The following GALNT18 variants were observed in gnomAD, a reference collection of about 807,000 sequenced individuals.
The protein encoded by GALNT18 is polypeptide N-acetylgalactosaminyltransferase 18.
In GALNT18, 44 loss-of-function variants were observed where a neutral mutation model predicts 69.5. That is an observed-to-expected ratio of 0.63 (90% CI 0.50 to 0.81). The LOEUF (loss-of-function observed/expected upper bound fraction) is 0.81. Among genes scored for constraint, GALNT18 ranks in the 40% least tolerant of loss-of-function variants. The probability of loss-of-function intolerance (pLI) is 0.00; values close to 1 mark genes in which losing one functional copy is unlikely to be tolerated. For synonymous variants in GALNT18, 364 were observed against 318.2 expected (o/e 1.14, Z -1.53); for missense variants, 715 against 810.0 (o/e 0.88, Z 1.42).
At chr11:11,272,976 G>A (rs957691802) in intron 10 of GALNT18, among the ~76,000 whole-genome samples, 1 of 151,352 alleles carries the variant, frequency 6.6e-6, no homozygotes, top group Non-Finnish European at 1.5e-5. Flanking sequence ...TAAATTGCCT[G>A]AGAAAATGCA....
In GALNT18 at chr11:11,583,483, T is replaced by C. The variant is rs58810205; in HGVS notation, c.235+37876A>G. Among the ~76,000 whole-genome samples, 10,107 of 152,270 alleles carry C rather than the reference T, an allele frequency of 0.066. 693 individuals carry two copies. The highest frequency in any genetic ancestry group is 0.35 in the East Asian group (1,831 of 5,176). On this transcript the variant is annotated intron_variant, in intron 1 of 10. Coordinates refer to ENST00000227756, the MANE Select transcript of GALNT18 (RefSeq NM_198516.3). The surrounding 1 kb of genome is among the most constrained non-coding windows in gnomAD (Gnocchi z 4.7). ...AAAATCCACGGGGTAAAAAGGTTTC[T>C]AGCTCTGTTTCTGGCTGGAAAGTGC...
At chr11:11,588,007 T>A (rs2133921835) in intron 1 of GALNT18, among the ~76,000 whole-genome samples, 1 of 152,268 alleles carries the variant, frequency 6.6e-6, no homozygotes, top group Non-Finnish European at 1.5e-5. Context: ...CAAGTCCTTC[T>A]GCTTGAGGCT....
At chr11:11,305,634 C>T (rs1849564956) in intron 9 of GALNT18, among the ~76,000 whole-genome samples, 1 of 152,072 alleles carries the variant, frequency 6.6e-6, no homozygotes, top group African/African-American at 2.4e-5. Flanking sequence ...CCTCAATTTA[C>T]TCATCAGTGG....
rs1399407578 is a variant in GALNT18, at chr11:11,338,524, A to G, written c.1278+2295T>C. Among the ~76,000 whole-genome samples the G allele has an allele frequency of 6.6e-6, 1 of 152,100 alleles. No homozygotes were observed. Among genetic ancestry groups the G allele is most frequent in the East Asian group, 1.9e-4 (1 of 5,186 alleles). ...GAAGGATGATGTCATTTTCAAACTC[A>G]TATGTCTGGAAGATGGTGGCACCAT... On this transcript the variant is annotated intron_variant, in intron 7 of 10. Coordinates refer to ENST00000227756, the MANE Select transcript of GALNT18 (RefSeq NM_198516.3). The surrounding 1 kb of genome is among the most constrained non-coding windows in gnomAD (Gnocchi z 5.3).
rs1333019008 is a variant in GALNT18 at position 11,605,350 on chromosome 11, G to A, written c.235+16009C>T. 6.6e-6 allele frequency among the ~76,000 whole-genome samples: 1 copy of A among 152,114 alleles called. No homozygotes were observed. On this transcript the variant is annotated intron_variant, in intron 1 of 10. Coordinates refer to ENST00000227756, the MANE Select transcript of GALNT18 (RefSeq NM_198516.3). This position sits in a 1 kb window ranked among gnomAD's most constrained non-coding sequence, Gnocchi z 4.7. ...AGAAACACCCTCTTCTGATCTCCGGGTTGCCCTCTCTCAGCTCCCTCTCCT... is the reference window on the plus strand; with the variant it reads ...AGAAACACCCTCTTCTGATCTCCGGATTGCCCTCTCTCAGCTCCCTCTCCT...
chr11:11,577,805 T>C (rs904756312), intron 1 of GALNT18, among the ~76,000 whole-genome samples: 3 of 152,168 alleles, frequency 2.0e-5, no homozygotes, highest in African/African-American at 7.2e-5. Flanking sequence ...TGGGAAGTGA[T>C]TAAATAGAAT....
rs1485159252 is a variant in GALNT18, at chr11:11,529,517, A to G, written c.236-80581T>C. 2.0e-5 allele frequency among the ~76,000 whole-genome samples: 3 copies of G among 152,112 alleles called. No homozygotes were observed. In the East Asian group the frequency reaches 5.8e-4, roughly 29 times the overall value. ...GCTCTCCTTATTCTCGGGTCTTCAG[A>G]CTCAGAACTACACCATGGCCTCCCA... On this transcript the variant is annotated intron_variant, in intron 1 of 10. Transcript: ENST00000227756.
At position 11,602,664 on chromosome 11, in the gene GALNT18, T is replaced by C. The variant is rs570981915; in HGVS notation, c.235+18695A>G. 6.6e-6 allele frequency among the ~76,000 whole-genome samples: 1 copy of C among 152,346 alleles called. No individual in the cohort carries two copies. Among genetic ancestry groups the C allele is most frequent in the African/African-American group, 2.4e-5 (1 of 41,580 alleles). On this transcript the variant is annotated intron_variant, in intron 1 of 10. Transcript: ENST00000227756. This position sits in a 1 kb window ranked among gnomAD's most constrained non-coding sequence, Gnocchi z 4.7. The stretch of plus-strand genomic sequence containing the variant: ...GGGACTTTAGATGGGTGTTGTTTAA[T>C]AATTTTTACCAGTTATGTTGTTTCA...
rs185100946 is a variant in GALNT18, at chr11:11,284,820, C to G, written c.1677+8209G>C. On this transcript the variant is annotated intron_variant, in intron 10 of 10. Coordinates refer to ENST00000227756, the MANE Select transcript of GALNT18 (RefSeq NM_198516.3). ...GGACATTACAGCTAGTTAAAGAAAC[C>G]CTGAGATTAAGTCTTTTTTTGGTAG... Among the ~76,000 whole-genome samples, 29 of 79,646 alleles carry G rather than the reference C, an allele frequency of 3.6e-4. No homozygotes were observed. The Middle Eastern group carries it at 0.015, about 41-fold the overall frequency. The allele number at this position is 79,646 out of a possible 152,430, so 52.3% of individuals were successfully genotyped here.
Position 11,496,984 on chromosome 11 carries a change from TC to T in GALNT18, c.236-48049del, listed in dbSNP as rs2133893043. On this transcript the variant is annotated intron_variant, in intron 1 of 10. Coordinates refer to ENST00000227756, the MANE Select transcript of GALNT18 (RefSeq NM_198516.3). The surrounding 1 kb of genome is among the most constrained non-coding windows in gnomAD (Gnocchi z 4.0). The stretch of plus-strand genomic sequence containing the variant: ...AGCACCCAAATACTCCACCGTGGTC[TC>T]CAAGGGCCTCATCGGTCCTGCTCAT... Among the ~76,000 whole-genome samples, 1 of 152,286 alleles carries T rather than the reference TC, an allele frequency of 6.6e-6. No individual in the cohort carries two copies. Among genetic ancestry groups the T allele is most frequent in the Admixed American group, 6.5e-5 (1 of 15,296 alleles).
intron 3 of GALNT18, among the ~76,000 whole-genome samples, chr11:11,401,098 A>G (rs114179557): frequency 6.6e-6 from 1 of 152,068 alleles, no homozygotes; most frequent in Non-Finnish European, 1.5e-5. Flanking sequence ...AGGACACAAA[A>G]CACCAGGCTA....
intron 6 of GALNT18, among the ~76,000 whole-genome samples, chr11:11,357,462 A>G (rs1035282873): frequency 1.3e-5 from 2 of 152,030 alleles, no homozygotes; most frequent in Middle Eastern, 3.4e-3. Context: ...CCTTCCATCA[A>G]TCTCCACCCA....
chr11:11,395,648 C>T (rs1294439970), intron 3 of GALNT18, among the ~76,000 whole-genome samples: 5 of 152,104 alleles, frequency 3.3e-5, no homozygotes, highest in Admixed American at 2.6e-4. Flanking sequence ...CCTAAAAAAC[C>T]ACTTTCAACA....
intron 9 of GALNT18, among the ~76,000 whole-genome samples, chr11:11,316,331 T>A (rs1849752078): frequency 6.6e-6 from 1 of 152,148 alleles, no homozygotes. Flanking sequence ...GAGAAGTGGC[T>A]AGACATTTAA....
At chr11:11,408,974 T>C (rs1854659370) in intron 3 of GALNT18, among the ~76,000 whole-genome samples, 1 of 152,154 alleles carries the variant, frequency 6.6e-6, no homozygotes, top group Non-Finnish European at 1.5e-5. Context: ...CACAGACACA[T>C]ATGTGCGTCC....
chr11:11,352,536 C>T lies in GALNT18; in HGVS notation c.1093-11532G>A, dbSNP rs747852698. On this transcript the variant is annotated intron_variant, in intron 6 of 10. Transcript: ENST00000227756. ...AAGTAGCTCAGGACCTTTGAAGTAT[C>T]GGGAAGCAACTCGGACATTATATTC... 28 of 1,613,950 alleles carry T rather than the reference C, an allele frequency of 1.7e-5. No homozygotes were observed. The South Asian group carries it at 1.9e-4, about 11-fold the overall frequency.
chr11:11,540,965 G>A lies in GALNT18; in HGVS notation c.235+80394C>T, dbSNP rs543598981. Among the ~76,000 whole-genome samples the A allele has an allele frequency of 9.8e-5, 15 of 152,294 alleles. No individual in the cohort carries two copies. The highest frequency in any genetic ancestry group is 3.6e-4 in the African/African-American group (15 of 41,566). ...CAAATTGCTAAAAGATTTGTGCAATGTTATGATTCTCTTTTCTTTGATGGT... is the reference window on the plus strand; with the variant it reads ...CAAATTGCTAAAAGATTTGTGCAATATTATGATTCTCTTTTCTTTGATGGT... On this transcript the variant is annotated intron_variant, in intron 1 of 10. Coordinates refer to ENST00000227756, the MANE Select transcript of GALNT18 (RefSeq NM_198516.3). This position sits in a 1 kb window ranked among gnomAD's most constrained non-coding sequence, Gnocchi z 4.6.
chr11:11,524,523 A>T (rs1228675109), intron 1 of GALNT18, among the ~76,000 whole-genome samples: 1 of 152,184 alleles, frequency 6.6e-6, no homozygotes, highest in Non-Finnish European at 1.5e-5. Context: ...GCCATTGCAT[A>T]TGGAGGCTCT....
chr11:11,404,615 G>T lies in GALNT18; in HGVS notation c.596-25351C>A, dbSNP rs1854546416. On this transcript the variant is annotated intron_variant, in intron 3 of 10. Transcript: ENST00000227756. The surrounding 1 kb of genome is among the most constrained non-coding windows in gnomAD (Gnocchi z 4.5). ...AAACCTAAGCCCTCCGCCCCACCCT[G>T]CGTTCTGGAATTCCTCTCAAGCTTT... 6.6e-6 allele frequency among the ~76,000 whole-genome samples: 1 copy of T among 152,102 alleles called. No homozygotes were observed.
Sources: gnomAD v4.1 joint callset for allele counts (sites outside exome capture counted in the v4.1 genomes callset) on GRCh38, gnomAD v4.1.1 for gene constraint, Gnocchi (gnomAD v3.1) non-coding constraint, MANE v1.5 for transcripts, NCBI Gene and HGNC (gene_info 2026-07-23, HGNC 2026-07-21) for gene names.